Variants in SVOP observed in about 807,000 individuals in gnomAD.
The protein encoded by SVOP is SV2 related protein, also known as synaptic vesicle 2-related protein.
Under a neutral mutation model 69.1 loss-of-function variants are expected in SVOP, and 17 were observed. That is an observed-to-expected ratio of 0.25 (90% CI 0.17 to 0.37). The LOEUF is 0.37. Among genes scored for constraint, SVOP ranks in the 10% least tolerant of loss-of-function variants. The probability of loss-of-function intolerance (pLI) is 1.00; values close to 1 mark genes in which losing one functional copy is unlikely to be tolerated. For missense variants in SVOP, 435 were observed against 597.5 expected (o/e 0.73, Z 2.84); for synonymous variants, 238 against 238.6 (o/e 1.00, Z 0.02).
chr12:108,980,274 T>C (rs1007828192), intron 2 of SVOP, among the ~76,000 whole-genome samples: 132 of 152,294 alleles, frequency 8.7e-4, no homozygotes, highest in Non-Finnish European at 1.7e-3. Context: ...ACAATTGCAA[T>C]GACTGGTGAA....
At chr12:108,917,839 T>C (rs1313365059) in intron 14 of SVOP, among the ~76,000 whole-genome samples, 6 of 151,808 alleles carry the variant, frequency 4.0e-5, no homozygotes, top group African/African-American at 1.5e-4. Flanking sequence ...AGAGAGAGGG[T>C]CTTGCTATGT....
chr12:108,908,416 C>G lies in SVOP; in HGVS notation c.*4119G>C, dbSNP rs547026394. On this transcript the variant is annotated 3_prime_UTR_variant, in exon 16 of 16. Coordinates refer to ENST00000610966, the MANE Select transcript of SVOP (RefSeq NM_018711.5). ...CACACATCATTTGAACATTTTTGATCCAATATACTAATATTTGGAGATTTC... is the reference window on the plus strand; with the variant it reads ...CACACATCATTTGAACATTTTTGATGCAATATACTAATATTTGGAGATTTC... The G allele has an allele frequency of 6.6e-6, 1 of 152,338 alleles. No individual in the cohort carries two copies. The highest frequency in any genetic ancestry group is 1.9e-4 in the East Asian group (1 of 5,176). 9.4% of individuals were successfully genotyped at this position (152,338 alleles called of 1,614,324 possible).
At chr12:108,934,910 A>G (rs1015207333) in intron 10 of SVOP, among the ~76,000 whole-genome samples, 2 of 152,258 alleles carry the variant, frequency 1.3e-5, no homozygotes, top group African/African-American at 2.4e-5. Context: ...TGCTCTGCCT[A>G]TGGAGCAGCC....
intron 11 of SVOP, chr12:108,926,311 A>G (rs1212598698): frequency 2.0e-5 from 3 of 152,070 alleles, no homozygotes; most frequent in African/African-American, 4.8e-5. Flanking sequence ...TCTTGTGCTA[A>G]TTTGCTTAGG....
intron 6 of SVOP, among the ~76,000 whole-genome samples, chr12:108,957,966 T>A (rs931628895): frequency 3.9e-5 from 6 of 152,240 alleles, no homozygotes; most frequent in African/African-American, 1.4e-4. Flanking sequence ...GGAGGAACTG[T>A]TCTTAGGCGG....
intron 6 of SVOP, among the ~76,000 whole-genome samples, chr12:108,946,912 G>C (rs2137411633): frequency 6.6e-6 from 1 of 151,866 alleles, no homozygotes; most frequent in South Asian, 2.1e-4. Flanking sequence ...TAGAGACGGG[G>C]TTTCACCATG....
rs1378251848 is a variant in SVOP at position 108,915,856 on chromosome 12, G to A, written c.1367C>T (p.Thr456Met). ...VYTPEVYPTA[T>M]RALGLGTCSG... Reference sequence around the variant, plus strand: ...GCAGGTGCCCAGGCCGAGGGCCCGCGTTGCCGTGGGGTAGACCTGAAACAC... The same window carrying A: ...GCAGGTGCCCAGGCCGAGGGCCCGCATTGCCGTGGGGTAGACCTGAAACAC... The change falls in exon 15 of 16, where the codon ACG (threonine) becomes ATG (methionine). Residue 456 changes from threonine to methionine, a missense_variant. Transcript: ENST00000610966. 6.8e-6 allele frequency: 11 copies of A among 1,606,752 alleles called. No homozygotes were observed. The highest frequency in any genetic ancestry group is 1.1e-5 in the South Asian group (1 of 89,696).
chr12:108,998,551 C>T (rs1251583699), intron 1 of SVOP, among the ~76,000 whole-genome samples: 1 of 152,000 alleles, frequency 6.6e-6, no homozygotes, highest in African/African-American at 2.4e-5. Flanking sequence ...ATGTTAAGGG[C>T]AGCCTGAGAG....
At chr12:108,994,358 G>A (rs1441652330) in intron 1 of SVOP, among the ~76,000 whole-genome samples, 1 of 152,132 alleles carries the variant, frequency 6.6e-6, no homozygotes, top group African/African-American at 2.4e-5. Context: ...GCTGGGCCTG[G>A]TGGCATGCAC....
chr12:108,917,133 C>T (rs183380367), intron 14 of SVOP, among the ~76,000 whole-genome samples: 71 of 152,312 alleles, frequency 4.7e-4, no homozygotes, highest in African/African-American at 1.7e-3. Context: ...CATGTTTTAA[C>T]AAATGCAATG....
intron 5 of SVOP, among the ~76,000 whole-genome samples, chr12:108,969,930 C>G (rs2040068949): frequency 1.3e-5 from 2 of 152,108 alleles, no homozygotes; most frequent in African/African-American, 4.8e-5. Flanking sequence ...CTTTGGGAGC[C>G]CCAGAGAGGC....
Position 108,940,864 on chromosome 12 carries a change from A to T in SVOP, c.688T>A (p.Phe230Ile). 1 of 1,537,166 alleles carries T rather than the reference A, an allele frequency of 6.5e-7. No individual in the cohort carries two copies. Among genetic ancestry groups the T allele is most frequent in the Non-Finnish European group, 8.7e-7 (1 of 1,146,864 alleles). ...GTVFEVVLAVFVMPSLGWRWL... is the reference protein window; with the variant it reads ...GTVFEVVLAVIVMPSLGWRWL... ...CGCCAGCCCAGGCTGGGCATCACGA[A>T]CACAGCCAGGACGACCTCGAACACT... is the stretch of plus-strand genomic sequence containing the variant. Residue 230 changes from phenylalanine to isoleucine, a missense_variant, in exon 8 of 16, where the codon TTC (phenylalanine) becomes ATC (isoleucine). Transcript: ENST00000610966.
In SVOP at chr12:108,912,561, T is replaced by G. The variant is rs2039690883; in HGVS notation, c.1621A>C (p.Arg541=). The change falls in exon 16 of 16, where the codon AGG becomes CGG. Residue 541 remains arginine, a synonymous_variant. Coordinates refer to ENST00000610966, the MANE Select transcript of SVOP (RefSeq NM_018711.5). ...TATTCCTGAGAGCCAGAGTTCGACCTGGTAACACCTGCACCGTGCATTCCT... is the reference window on the plus strand; with the variant it reads ...TATTCCTGAGAGCCAGAGTTCGACCGGGTAACACCTGCACCGTGCATTCCT... ...GRGMHGAGVT[R]SNSGSQE 1 of 1,613,674 alleles carries G rather than the reference T, an allele frequency of 6.2e-7. No individual in the cohort carries two copies.
chr12:108,920,790 G>A (rs1016747340), intron 12 of SVOP, among the ~76,000 whole-genome samples: 7 of 151,900 alleles, frequency 4.6e-5, no homozygotes, highest in Non-Finnish European at 1.0e-4. Flanking sequence ...TAGAGATGGA[G>A]TTTCATCATT....
intron 10 of SVOP, 46 bp downstream of exon 10, chr12:108,937,218 C>T (rs1185542648): frequency 6.3e-7 from 1 of 1,599,094 alleles, no homozygotes; most frequent in African/African-American, 1.3e-5. Context: ...CAAAACAGGG[C>T]ACAGGGAGTG....
intron 6 of SVOP, among the ~76,000 whole-genome samples, chr12:108,958,409 G>A (rs1166071752): frequency 6.6e-6 from 1 of 151,900 alleles, no homozygotes; most frequent in Non-Finnish European, 1.5e-5. Flanking sequence ...GCAGTATTTA[G>A]CACAGCTACA....
In SVOP at chr12:108,938,959, G is replaced by A; in HGVS notation, c.769-4C>T. ...ACCTTGCACTTTCAGGCAGCCACTG[G>A]GATGGGGGAGACAGGAAACCCAGGC... On this transcript the variant is annotated splice_polypyrimidine_tract_variant and splice_region_variant and intron_variant, in intron 8 of 15. Transcript: ENST00000610966. 5 of 1,613,928 alleles carry A rather than the reference G, an allele frequency of 3.1e-6. No homozygotes were observed. The highest frequency in any genetic ancestry group is 4.2e-6 in the Non-Finnish European group (5 of 1,179,830).
At chr12:108,920,138 G>A (rs958340621) in intron 12 of SVOP, among the ~76,000 whole-genome samples, 3 of 152,196 alleles carry the variant, frequency 2.0e-5, no homozygotes, top group African/African-American at 7.2e-5. Context: ...CAGCAACCAT[G>A]TCAGTAAGCA....
At chr12:109,020,571 A>T (rs2040391082) in intron 1 of SVOP, among the ~76,000 whole-genome samples, 1 of 152,154 alleles carries the variant, frequency 6.6e-6, no homozygotes, top group African/African-American at 2.4e-5. Context: ...ATTGAGAGCA[A>T]TTAAAAGGGG....
Sources: allele counts gnomAD v4.1 joint callset (sites outside exome capture counted in the v4.1 genomes callset), GRCh38; gene constraint gnomAD v4.1.1; transcripts MANE v1.5; gene names NCBI Gene and HGNC (gene_info 2026-07-23, HGNC 2026-07-21).